The following LINGO2 variants were observed in gnomAD, a reference collection of about 807,000 sequenced individuals.
LINGO2 encodes the protein leucine rich repeat and Ig domain containing 2.
In LINGO2, 14 loss-of-function variants were observed where a neutral mutation model predicts 30.6. The observed-to-expected ratio is 0.46, with a 90% CI of 0.30 to 0.72. The LOEUF (loss-of-function observed/expected upper bound fraction) is 0.72, where lower values mean the gene tolerates loss of function less well. Among genes scored for constraint, LINGO2 ranks in the 30% least tolerant of loss-of-function variants. LINGO2 has a pLI of 0.07. For synonymous variants in LINGO2, 317 were observed against 288.5 expected, an observed-to-expected ratio of 1.10 and a Z score of -1.00; for missense variants, 729 against 751.7, an observed-to-expected ratio of 0.97 and a Z score of 0.35.
At chr9:28,911,764 T>G in the LINGO2 span, among the ~76,000 whole-genome samples, 32 of 152,106 alleles carry the variant, frequency 2.1e-4, no homozygotes, top group Non-Finnish European at 3.5e-4. Flanking sequence ...TGAAGACACA[T>G]GTGCTCTAAA....
chr9:28,491,570 T>C (rs889053622), intron 1 of LINGO2, among the ~76,000 whole-genome samples: 1 of 152,258 alleles, frequency 6.6e-6, no homozygotes, highest in African/African-American at 2.4e-5. Context: ...TTCTTTGCAT[T>C]ATTTGACTTA....
At chr9:28,781,415 C>A in the LINGO2 span, among the ~76,000 whole-genome samples, 1 of 152,240 alleles carries the variant, frequency 6.6e-6, no homozygotes, top group African/African-American at 2.4e-5. Flanking sequence ...GGAAGACAGG[C>A]AGAAGCTCCA....
In LINGO2 at chr9:28,009,990, C is replaced by T. The variant is rs80334671; in HGVS notation, c.-36+2365G>A. 1.5e-4 allele frequency among the ~76,000 whole-genome samples: 23 copies of T among 152,096 alleles called. No homozygotes were observed. In the East Asian group the frequency reaches 1.7e-3, roughly 12 times the overall value. On this transcript the variant is annotated intron_variant, in intron 5 of 5. Transcript: ENST00000379992. ...TTCCAAATGTCCATAAACTGATGAA[C>T]GGATAAATAAAATGTGTTATCCGTA...
At position 28,511,595 on chromosome 9, in the gene LINGO2, T is replaced by A. The variant is rs563628679; in HGVS notation, c.-364-35570A>T. 9.2e-5 allele frequency among the ~76,000 whole-genome samples: 14 copies of A among 152,242 alleles called. 1 individual carries two copies. The South Asian group carries it at 2.9e-3, about 32-fold the overall frequency. On this transcript the variant is annotated intron_variant, in intron 1 of 5. Transcript: ENST00000379992. The stretch of plus-strand genomic sequence containing the variant: ...TTATTAAAATCCTCCTCTACTGAGG[T>A]CACCCGTTGGTGAGCACTCATATGG...
At chr9:28,894,482 T>A in the LINGO2 span, among the ~76,000 whole-genome samples, 2 of 152,016 alleles carry the variant, frequency 1.3e-5, no homozygotes, top group East Asian at 3.9e-4. Flanking sequence ...ATGACTCAGT[T>A]TCATTTCTTG....
At chr9:28,551,455 A>G (rs77688197) in intron 1 of LINGO2, among the ~76,000 whole-genome samples, 1 of 152,010 alleles carries the variant, frequency 6.6e-6, no homozygotes, top group East Asian at 1.9e-4. Context: ...ATAGTTTAAT[A>G]GAGGTAGGGT....
the LINGO2 span, among the ~76,000 whole-genome samples, chr9:28,719,419 T>C: frequency 6.6e-6 from 1 of 151,958 alleles, no homozygotes; most frequent in African/African-American, 2.4e-5. Context: ...CTAATTCACA[T>C]TGTCTCCCTG....
At chr9:27,986,688 C>T (rs1049863869) in intron 5 of LINGO2, among the ~76,000 whole-genome samples, 3 of 151,768 alleles carry the variant, frequency 2.0e-5, no homozygotes, top group Non-Finnish European at 2.9e-5. Context: ...GGAAAGTGCT[C>T]GTCCCTCCTT....
chr9:28,458,475 G>C (rs1824942487), intron 2 of LINGO2, among the ~76,000 whole-genome samples: 1 of 151,986 alleles, frequency 6.6e-6, no homozygotes, highest in East Asian at 1.9e-4. Context: ...AAAATATCCT[G>C]CATTTTAGTT....
At chr9:28,915,081 G>A in the LINGO2 span, among the ~76,000 whole-genome samples, 1 of 152,130 alleles carries the variant, frequency 6.6e-6, no homozygotes, top group African/African-American at 2.4e-5. Flanking sequence ...GCAGTAAGCC[G>A]AGATCATGCC....
chr9:29,095,361 G>A, the LINGO2 span, among the ~76,000 whole-genome samples: 1 of 138,012 alleles, frequency 7.2e-6, no homozygotes, highest in African/African-American at 2.7e-5. Context: ...TATATAACAA[G>A]TCAAAATTTA....
chr9:28,427,988 C>A (rs1316578983), intron 2 of LINGO2, among the ~76,000 whole-genome samples: 2 of 150,538 alleles, frequency 1.3e-5, no homozygotes, highest in Non-Finnish European at 2.9e-5. Context: ...TAAACAGTAT[C>A]ACATCTGTTT....
chr9:28,496,985 C>A (rs1177027394), intron 1 of LINGO2, among the ~76,000 whole-genome samples: 1 of 152,182 alleles, frequency 6.6e-6, no homozygotes, highest in African/African-American at 2.4e-5. Flanking sequence ...TGAATATTGG[C>A]CGCCACTCTC....
At chr9:28,399,556 A>G (rs982039903) in intron 2 of LINGO2, among the ~76,000 whole-genome samples, 6 of 152,228 alleles carry the variant, frequency 3.9e-5, no homozygotes, top group African/African-American at 1.4e-4. Flanking sequence ...AAGAAGAAAT[A>G]CAAATAAACA....
intron 4 of LINGO2, among the ~76,000 whole-genome samples, chr9:28,019,071 C>T (rs1421249449): frequency 6.6e-6 from 1 of 151,978 alleles, no homozygotes; most frequent in Non-Finnish European, 1.5e-5. Context: ...GGGAGCCAAA[C>T]ATTGAGTACA....
chr9:28,521,862 A>G (rs1017490850), intron 1 of LINGO2, among the ~76,000 whole-genome samples: 2 of 152,182 alleles, frequency 1.3e-5, no homozygotes, highest in African/African-American at 4.8e-5. Flanking sequence ...GAGTAAAAAC[A>G]GCCATGTGAA....
At chr9:28,708,955 T>C in the LINGO2 span, among the ~76,000 whole-genome samples, 219 of 152,244 alleles carry the variant, frequency 1.4e-3, 8 homozygotes, top group East Asian at 0.039. Context: ...CTTTGTCAAA[T>C]TGATAATAAT....
the LINGO2 span, among the ~76,000 whole-genome samples, chr9:29,150,225 C>G: frequency 2.0e-5 from 3 of 152,048 alleles, no homozygotes; most frequent in Admixed American, 2.0e-4. Flanking sequence ...AATAAAGATC[C>G]TATACAAAGC....
intron 5 of LINGO2, among the ~76,000 whole-genome samples, chr9:27,989,146 C>T (rs1221894813): frequency 8.6e-5 from 13 of 151,868 alleles, no homozygotes; most frequent in Non-Finnish European, 1.9e-4. Flanking sequence ...ATCCTTCTTT[C>T]TCCCTGGAAA....
Sources: allele counts gnomAD v4.1 joint callset (sites outside exome capture counted in the v4.1 genomes callset), GRCh38; gene constraint gnomAD v4.1.1; transcripts MANE v1.5; gene names NCBI Gene and HGNC (gene_info 2026-07-23, HGNC 2026-07-21).